YTHDF3: variants seen among roughly 807,000 people sequenced by gnomAD.
The protein encoded by YTHDF3 is YTH N6-methyladenosine RNA binding protein F3.
A neutral mutation model predicts 52.5 loss-of-function variants in YTHDF3; 9 were observed. The observed-to-expected ratio is 0.17, with a 90% CI of 0.10 to 0.30. YTHDF3 has a LOEUF of 0.30. Among genes scored for constraint, YTHDF3 ranks in the 10% least tolerant of loss-of-function variants. The probability of loss-of-function intolerance (pLI) is 1.00; values close to 1 mark genes in which losing one functional copy is unlikely to be tolerated. For synonymous variants in YTHDF3, 274 were observed against 243.3 expected (o/e 1.13, Z -1.18); for missense variants, 534 against 715.0 (o/e 0.75, Z 2.89).
intron 3 of YTHDF3, among the ~76,000 whole-genome samples, chr8:63,181,340 G>T (rs1207162623): frequency 6.6e-6 from 1 of 152,158 alleles, no homozygotes; most frequent in African/African-American, 2.4e-5. Flanking sequence ...GTCTGATTGT[G>T]TCACTGTAAT....
intron 4 of YTHDF3, among the ~76,000 whole-genome samples, chr8:63,197,867 T>G (rs532178668): frequency 2.0e-5 from 3 of 152,324 alleles, no homozygotes; most frequent in Admixed American, 2.0e-4. Flanking sequence ...ACTATTGAGG[T>G]GATTCTTTCT....
intron 2 of YTHDF3, among the ~76,000 whole-genome samples, chr8:63,171,133 G>A (rs1807297217): frequency 6.6e-6 from 1 of 151,984 alleles, no homozygotes; most frequent in African/African-American, 2.4e-5. Context: ...CCCCCTTGTT[G>A]TTCAGTTTAA....
intron 4 of YTHDF3, among the ~76,000 whole-genome samples, chr8:63,191,175 C>T (rs1235016239): frequency 6.6e-6 from 1 of 151,998 alleles, no homozygotes; most frequent in Non-Finnish European, 1.5e-5. Flanking sequence ...AAAGATTTTT[C>T]TTTATTTTTA....
intron 4 of YTHDF3, among the ~76,000 whole-genome samples, chr8:63,202,390 T>G (rs1167728111): frequency 1.3e-5 from 2 of 152,214 alleles, no homozygotes; most frequent in Admixed American, 6.5e-5. Context: ...TATTAGCACT[T>G]TAAAGGTGGA....
Position 63,186,640 on chromosome 8 carries a change from C to G in YTHDF3, c.629C>G (p.Thr210Arg). Reference protein sequence around the residue: ...LTAAVTKTVGTALSSSGMTSI... With the variant: ...LTAAVTKTVGRALSSSGMTSI... ...GCTGCAGTGACAAAAACTGTAGGTACAGCTTTGAGCAGCAGTGGTATGACT... is the reference window on the plus strand; with the variant it reads ...GCTGCAGTGACAAAAACTGTAGGTAGAGCTTTGAGCAGCAGTGGTATGACT... The change falls in exon 4 of 5, where the codon ACA becomes AGA. Residue 210 changes from threonine to arginine, a missense_variant. By Grantham distance (71) the Thr-to-Arg change is moderately conservative. Around this residue, in one of 3 missense-constraint regions of YTHDF3, gnomAD observed 196 missense variants for 299.5 expected, o/e 0.65. Transcript: ENST00000539294. The G allele has an allele frequency of 6.2e-7, 1 of 1,613,992 alleles. No individual in the cohort carries two copies. Among genetic ancestry groups the G allele is most frequent in the Non-Finnish European group, 8.5e-7 (1 of 1,179,896 alleles).
At chr8:63,182,992 T>C (rs1194633103) in intron 3 of YTHDF3, among the ~76,000 whole-genome samples, 1 of 151,560 alleles carries the variant, frequency 6.6e-6, no homozygotes, top group Non-Finnish European at 1.5e-5. Flanking sequence ...CAGTCTCGCT[T>C]GTCACCCAGG....
At chr8:63,177,395 C>T (rs928862602) in intron 3 of YTHDF3, among the ~76,000 whole-genome samples, 2 of 152,084 alleles carry the variant, frequency 1.3e-5, no homozygotes, top group African/African-American at 4.8e-5. Context: ...AAAAACTTTA[C>T]GATCTCAGCA....
intron 3 of YTHDF3, among the ~76,000 whole-genome samples, chr8:63,178,158 T>G (rs1807829278): frequency 6.6e-6 from 1 of 152,192 alleles, no homozygotes; most frequent in South Asian, 2.1e-4. Flanking sequence ...TAACAGATAT[T>G]TTACAATTCT....
At position 63,186,319 on chromosome 8, in the gene YTHDF3, A is replaced by G; in HGVS notation, c.308A>G (p.Asp103Gly). The G allele has an allele frequency of 6.2e-7, 1 of 1,614,044 alleles. No homozygotes were observed. Among genetic ancestry groups the G allele is most frequent in the South Asian group, 1.1e-5 (1 of 91,090 alleles). ...AATGGAGAACATCACTATATACCAG[A>G]TGGTGTATTTAGTCAACCTGGGGCA... ...MSNGEHHYIP[D>G]GVFSQPGALG... The change falls in exon 4 of 5, where the codon GAT becomes GGT. Residue 103 changes from aspartate to glycine, a missense_variant. Physicochemically the swap from Asp to Gly is moderately conservative, Grantham distance 94 (BLOSUM62 -1). Coordinates refer to ENST00000539294, the MANE Select transcript of YTHDF3 (RefSeq NM_152758.6).
At chr8:63,189,459 T>C (rs991418527) in intron 4 of YTHDF3, among the ~76,000 whole-genome samples, 4 of 152,256 alleles carry the variant, frequency 2.6e-5, no homozygotes, top group African/African-American at 9.6e-5. Context: ...AAATAATGCT[T>C]GTTACTATGG....
In YTHDF3 at chr8:63,211,835, G is replaced by T. The variant is rs1810385203; in HGVS notation, c.*2129G>T. The T allele has an allele frequency of 6.6e-6, 1 of 152,506 alleles. No homozygotes were observed. Among genetic ancestry groups the T allele is most frequent in the African/African-American group, 2.4e-5 (1 of 41,414 alleles). The allele number at this position is 152,506 out of a possible 1,614,324, so 9.4% of individuals were successfully genotyped here. The stretch of plus-strand genomic sequence containing the variant: ...TTAACCTGGATTTCTAATCTTAAGT[G>T]AAATGGGTGCAGCATTCCTTTGGAA... On this transcript the variant is annotated 3_prime_UTR_variant, in exon 5 of 5. Coordinates refer to ENST00000539294, the MANE Select transcript of YTHDF3 (RefSeq NM_152758.6).
chr8:63,169,238 G>T (rs945584417), intron 1 of YTHDF3, 149 bp from the exon 2 acceptor site: 3 of 1,298,770 alleles, frequency 2.3e-6, no homozygotes, highest in African/African-American at 3.0e-5. Flanking sequence ...GGGGTGGTTG[G>T]GAAATTGGTG....
chr8:63,204,261 C>T lies in YTHDF3; in HGVS notation c.1735-5422C>T, dbSNP rs184185877. 1.8e-3 allele frequency among the ~76,000 whole-genome samples: 266 copies of T among 151,940 alleles called. 2 individuals carry two copies. The highest frequency in any genetic ancestry group is 6.1e-3 in the African/African-American group (254 of 41,426). On this transcript the variant is annotated intron_variant, in intron 4 of 4. Transcript: ENST00000539294. ...TATTTCTTGGATTTAATATTCTACTCCACAAATGAGGCAGCGACCATTTCT... is the reference window on the plus strand; with the variant it reads ...TATTTCTTGGATTTAATATTCTACTTCACAAATGAGGCAGCGACCATTTCT...
intron 4 of YTHDF3, chr8:63,188,856 G>C (rs1351569473): frequency 2.0e-5 from 3 of 150,966 alleles, no homozygotes; most frequent in Non-Finnish European, 3.0e-5. Context: ...TGGGATTACA[G>C]GCACACGCCA....
chr8:63,188,701 A>ATATATATATTTTTT (rs1355614739), intron 4 of YTHDF3: 22 of 61,448 alleles, frequency 3.6e-4, no homozygotes, highest in African/African-American at 1.8e-3. Context: ...ATATATATAT[A>ATATATATATTTTTT]TTTTTTTTTT....
chr8:63,170,650 C>T (rs745963212), intron 2 of YTHDF3, among the ~76,000 whole-genome samples: 1 of 151,874 alleles, frequency 6.6e-6, no homozygotes, highest in African/African-American at 2.4e-5. Flanking sequence ...CCATTAATTT[C>T]TTCTTTTGCT....
chr8:63,189,176 G>A (rs1808751387), intron 4 of YTHDF3: 1 of 152,034 alleles, frequency 6.6e-6, no homozygotes, highest in South Asian at 2.1e-4. Flanking sequence ...GTTTATCCTT[G>A]TATTATATTG....
Position 63,179,633 on chromosome 8 carries a change from C to T in YTHDF3, c.135+4217C>T, listed in dbSNP as rs371046969. Among the ~76,000 whole-genome samples, 5 of 152,324 alleles carry T rather than the reference C, an allele frequency of 3.3e-5. No homozygotes were observed. The East Asian group carries it at 5.8e-4, about 18-fold the overall frequency. ...ATGTCTACCTCTTTCTACACAGACA[C>T]GGCAACCATCCGATTTCTCAATCTT... On this transcript the variant is annotated intron_variant, in intron 3 of 4. Transcript: ENST00000539294.
At chr8:63,201,167 T>C (rs1809617344) in intron 4 of YTHDF3, among the ~76,000 whole-genome samples, 1 of 152,196 alleles carries the variant, frequency 6.6e-6, no homozygotes, top group South Asian at 2.1e-4. Flanking sequence ...TAGAAATATC[T>C]AAGCCTTCAA....
Sources: allele counts gnomAD v4.1 joint callset (sites outside exome capture counted in the v4.1 genomes callset), GRCh38; gene constraint gnomAD v4.1.1; regional missense constraint gnomAD v4.1.1; transcripts MANE v1.5; gene names NCBI Gene and HGNC (gene_info 2026-07-23, HGNC 2026-07-21).